The following MAP2K2 variants were observed in gnomAD, a reference collection of about 807,000 sequenced individuals.
The protein encoded by MAP2K2 is mitogen-activated protein kinase kinase 2.
In MAP2K2, 24 loss-of-function variants were observed where a neutral mutation model predicts 43.7. The observed-to-expected ratio is 0.55, with a 90% CI of 0.40 to 0.77. The LOEUF (loss-of-function observed/expected upper bound fraction) is 0.77. MAP2K2 is among the 30% of genes least tolerant of loss of function. MAP2K2 has a pLI of 0.00. For synonymous variants in MAP2K2, 244 were observed against 239.7 expected, an observed-to-expected ratio of 1.02 and a Z score of -0.17; for missense variants, 470 against 566.8, an observed-to-expected ratio of 0.83 and a Z score of 1.73.
chr19:4,102,185 G>C (rs2041021625), intron 4 of MAP2K2, among the ~76,000 whole-genome samples, 191 bp downstream of exon 4: 1 of 152,180 alleles, frequency 6.6e-6, no homozygotes, highest in African/African-American at 2.4e-5. Flanking sequence ...GGCAGATGGT[G>C]ACCTCAGGCC....
chr19:4,102,568 C>T (rs536150919), intron 3 of MAP2K2, 115 bp from the exon 4 acceptor site: 99 of 959,122 alleles, frequency 1.0e-4, no homozygotes, highest in South Asian at 8.7e-4. Context: ...AAGCAGGGGC[C>T]GGAGCCCAAC....
At chr19:4,112,621 A>T (rs1398907181) in intron 2 of MAP2K2, among the ~76,000 whole-genome samples, 1 of 152,008 alleles carries the variant, frequency 6.6e-6, no homozygotes, top group Admixed American at 6.6e-5. Flanking sequence ...CCTCAGGCTA[A>T]GCGTCTCCCA....
At chr19:4,102,751 C>A in intron 3 of MAP2K2, 1 of 1,296,486 alleles carries the variant, frequency 7.7e-7, no homozygotes, top group Non-Finnish European at 9.9e-7. Context: ...AGGCTCTGCT[C>A]CGGGCCAGCC....
intron 2 of MAP2K2, among the ~76,000 whole-genome samples, chr19:4,113,532 G>C (rs2041182034): frequency 6.6e-6 from 1 of 152,154 alleles, no homozygotes; most frequent in Non-Finnish European, 1.5e-5. Flanking sequence ...GCAAGCTCAG[G>C]TTCGGAGCCT....
intron 1 of MAP2K2, among the ~76,000 whole-genome samples, chr19:4,121,648 C>T: frequency 1.0e-5 from 1 of 99,326 alleles, no homozygotes; most frequent in South Asian, 4.0e-4. Context: ...CAACCTGACC[C>T]CCCCCACAAC....
intron 1 of MAP2K2, among the ~76,000 whole-genome samples, chr19:4,122,641 C>T (rs1377723209): frequency 6.7e-6 from 1 of 148,686 alleles, no homozygotes; most frequent in Non-Finnish European, 1.5e-5. Flanking sequence ...AAGGACATCT[C>T]CTTGGCCTGA....
chr19:4,109,265 G>T (rs1330701917), intron 3 of MAP2K2, among the ~76,000 whole-genome samples: 4 of 151,986 alleles, frequency 2.6e-5, no homozygotes, highest in Non-Finnish European at 5.9e-5. Flanking sequence ...ACCCACTTCT[G>T]GGCTTCGAGG....
chr19:4,113,418 CAGAT>C (rs2041180630), intron 2 of MAP2K2, among the ~76,000 whole-genome samples: 1 of 152,148 alleles, frequency 6.6e-6, no homozygotes, highest in Non-Finnish European at 1.5e-5. Flanking sequence ...GACAGACAGA[CAGAT>C]GGACAGGAGG....
intron 1 of MAP2K2, 130 bp from the exon 2 acceptor site, chr19:4,117,759 G>A (rs1290373338): frequency 4.8e-6 from 4 of 830,768 alleles, no homozygotes; most frequent in Middle Eastern, 2.5e-4. Context: ...GGTTCATGGT[G>A]TAGAAGGAAA....
intron 7 of MAP2K2, 131 bp downstream of exon 7, chr19:4,099,070 C>T (rs2040961223): frequency 1.3e-6 from 1 of 772,114 alleles, no homozygotes; most frequent in Non-Finnish European, 2.1e-6. Flanking sequence ...GACTGCTGAC[C>T]ACAGTCGGCA....
At chr19:4,118,437 G>A (rs577714384) in intron 1 of MAP2K2, among the ~76,000 whole-genome samples, 1 of 152,302 alleles carries the variant, frequency 6.6e-6, no homozygotes, top group East Asian at 1.9e-4. Context: ...GCATCAGGTA[G>A]GCACGGTGGT....
chr19:4,121,029 G>A (rs991598457), intron 1 of MAP2K2, among the ~76,000 whole-genome samples: 4 of 151,986 alleles, frequency 2.6e-5, no homozygotes, highest in Non-Finnish European at 5.9e-5. Flanking sequence ...CCGCAGGCAC[G>A]GCACCCGGAC....
rs1203008876 is a variant in MAP2K2, at chr19:4,094,347, G to A, written c.1092+106C>T. The A allele has an allele frequency of 2.0e-5, 25 of 1,234,836 alleles. No homozygotes were observed. The Admixed American group carries it at 4.0e-4, about 20-fold the overall frequency. The allele number at this position is 1,234,836 out of a possible 1,614,324, so 76.5% of individuals were successfully genotyped here. The stretch of plus-strand genomic sequence containing the variant: ...CACCCGGCCTGCCCACATCCTGGTC[G>A]CAGGTGCTGGCTCCCCGGGCAGGGC... On this transcript the variant is annotated intron_variant, in intron 10 of 10. Coordinates refer to ENST00000262948, the MANE Select transcript of MAP2K2 (RefSeq NM_030662.4).
intron 10 of MAP2K2, among the ~76,000 whole-genome samples, chr19:4,093,155 T>C (rs1314367836): frequency 6.6e-6 from 1 of 151,264 alleles, no homozygotes; most frequent in Non-Finnish European, 1.5e-5. Flanking sequence ...GAGGCGGAGG[T>C]TGCAGTGAGC....
chr19:4,113,851 C>T (rs1027448559), intron 2 of MAP2K2, among the ~76,000 whole-genome samples: 1 of 152,054 alleles, frequency 6.6e-6, no homozygotes, highest in East Asian at 1.9e-4. Flanking sequence ...GACCGAGCCG[C>T]CCCCCGGCCG....
chr19:4,102,264 GGGGCCACCCTAACCCCCA>G, intron 4 of MAP2K2, 94 bp downstream of exon 4: 1 of 923,848 alleles, frequency 1.1e-6, no homozygotes, highest in Non-Finnish European at 1.7e-6. Context: ...TCTTTCTGCA[GGGGCCACCCTAACCCCCA>G]CCACACTGTG....
chr19:4,110,320 G>T (rs12981086), intron 3 of MAP2K2, among the ~76,000 whole-genome samples, 189 bp downstream of exon 3: 2 of 151,864 alleles, frequency 1.3e-5, no homozygotes, highest in South Asian at 2.1e-4. Flanking sequence ...AAAACAAAAA[G>T]AAAACAAAAC....
At chr19:4,111,811 G>C (rs1158816883) in intron 2 of MAP2K2, among the ~76,000 whole-genome samples, 1 of 152,092 alleles carries the variant, frequency 6.6e-6, no homozygotes, top group Non-Finnish European at 1.5e-5. Flanking sequence ...AATTTAGCCG[G>C]GTGTGGTGGC....
intron 7 of MAP2K2, among the ~76,000 whole-genome samples, chr19:4,098,243 T>C (rs970455991): frequency 2.6e-5 from 4 of 152,074 alleles, no homozygotes; most frequent in African/African-American, 9.7e-5. Flanking sequence ...TTCTGTGAAA[T>C]GCCCAGGACA....
Sources: gnomAD v4.1 joint callset for allele counts (sites outside exome capture counted in the v4.1 genomes callset) on GRCh38, gnomAD v4.1.1 for gene constraint, MANE v1.5 for transcripts, NCBI Gene and HGNC (gene_info 2026-07-23, HGNC 2026-07-21) for gene names.